Variants in MRPL47 observed in about 807,000 individuals in gnomAD.
The protein encoded by MRPL47 is large ribosomal subunit protein uL29m.
Under a neutral mutation model 34.0 loss-of-function variants are expected in MRPL47, and 31 were observed. The observed-to-expected ratio is 0.91, with a 90% CI of 0.68 to 1.23. The LOEUF (loss-of-function observed/expected upper bound fraction) is 1.23, where lower values mean the gene tolerates loss of function less well. MRPL47 is among the 50% of genes most tolerant of loss of function. MRPL47 has a pLI of 0.00. For missense variants in MRPL47, 328 were observed against 285.8 expected (o/e 1.15, Z -1.07); for synonymous variants, 106 against 101.6 (o/e 1.04, Z -0.26).
At chr3:179,595,387 C>A (rs1378356069) in intron 4 of MRPL47, among the ~76,000 whole-genome samples, 1 of 152,144 alleles carries the variant, frequency 6.6e-6, no homozygotes, top group Non-Finnish European at 1.5e-5. Context: ...TTCTGCTATC[C>A]TCAACTTCAC....
chr3:179,598,397 G>GACACAC (rs11455585), intron 4 of MRPL47, among the ~76,000 whole-genome samples: 1,519 of 102,918 alleles, frequency 0.015, 45 homozygotes, highest in African/African-American at 0.046. Context: ...CTGACACACT[G>GACACAC]ACACACACAC....
intron 3 of MRPL47, among the ~76,000 whole-genome samples, chr3:179,600,533 T>C (rs62291840): frequency 0.017 from 2,551 of 152,202 alleles, 29 homozygotes; most frequent in Middle Eastern, 0.027. Context: ...TCCCAGCTAC[T>C]TGAGAGGCTG....
chr3:179,592,787 C>T (rs775005162), intron 5 of MRPL47, 48 bp from the exon 6 acceptor site: 1 of 1,191,956 alleles, frequency 8.4e-7, no homozygotes, highest in Non-Finnish European at 1.2e-6. Flanking sequence ...ACATTTAATA[C>T]ATTTTCACTT....
chr3:179,602,839 T>C lies in MRPL47; in HGVS notation c.99-42A>G, dbSNP rs761042348. 9.3e-5 allele frequency: 138 copies of C among 1,477,446 alleles called. 1 individual carries two copies. The highest frequency in any genetic ancestry group is 5.2e-5 in the Non-Finnish European group (57 of 1,086,920). The allele number at this position is 1,477,446 out of a possible 1,614,324, so 91.5% of individuals were successfully genotyped here. On this transcript the variant is annotated intron_variant, in intron 1 of 6. Coordinates refer to ENST00000476781, the MANE Select transcript of MRPL47 (RefSeq NM_020409.3). ...ATAAACAAGTAAAAGTTTTATAATA[T>C]CTGGATTTTATAAGCAATAAACATT...
At chr3:179,591,265 G>A (rs1457240217) in intron 6 of MRPL47, among the ~76,000 whole-genome samples, 1 of 152,136 alleles carries the variant, frequency 6.6e-6, no homozygotes, top group Non-Finnish European at 1.5e-5. Flanking sequence ...TTAGCCAGGA[G>A]CCCTTCGGTT....
chr3:179,588,991 C>T lies in MRPL47; in HGVS notation c.634G>A (p.Glu212Lys), dbSNP rs1390976340. 1.2e-6 allele frequency: 2 copies of T among 1,605,926 alleles called. No homozygotes were observed. The highest frequency in any genetic ancestry group is 1.7e-6 in the Non-Finnish European group (2 of 1,177,476). ...LPYVDHFLRL[E>K]REKRARIKAR... ...TTGATGCGGGCTCGTTTCTCACGTT[C>T]CAGTCTAGAATAAAAAAAGCGTAAC... is the stretch of plus-strand genomic sequence containing the variant. Residue 212 changes from glutamate (E) to lysine (K), a missense_variant, in exon 7 of 7, where the codon GAA (glutamate) becomes AAA (lysine). Coordinates refer to ENST00000476781, the MANE Select transcript of MRPL47 (RefSeq NM_020409.3).
chr3:179,590,095 C>T (rs1269529923), intron 6 of MRPL47, among the ~76,000 whole-genome samples: 1 of 152,102 alleles, frequency 6.6e-6, no homozygotes, highest in African/African-American at 2.4e-5. Context: ...GTAATCCCAA[C>T]TTAGGGAGGC....
chr3:179,594,371 A>G (rs975835271), intron 4 of MRPL47, among the ~76,000 whole-genome samples: 6 of 152,232 alleles, frequency 3.9e-5, no homozygotes, highest in Non-Finnish European at 7.3e-5. Flanking sequence ...GTCCATCCAG[A>G]TATGAATCTC....
At chr3:179,594,476 G>A (rs1718749970) in intron 4 of MRPL47, among the ~76,000 whole-genome samples, 1 of 152,108 alleles carries the variant, frequency 6.6e-6, no homozygotes, top group Admixed American at 6.6e-5. Context: ...TATATTGGCA[G>A]GGTTTTATAC....
chr3:179,603,220 G>A (rs190616560), intron 1 of MRPL47, among the ~76,000 whole-genome samples: 87 of 152,196 alleles, frequency 5.7e-4, no homozygotes, highest in African/African-American at 2.0e-3. Flanking sequence ...GGGTGCAAGC[G>A]CAGGTAAAAA....
chr3:179,592,396 A>T (rs1229372878), intron 6 of MRPL47, among the ~76,000 whole-genome samples: 1 of 150,792 alleles, frequency 6.6e-6, no homozygotes, highest in Non-Finnish European at 1.5e-5. Flanking sequence ...GGGTTTCACC[A>T]TGTTAGCCGG....
At chr3:179,590,696 T>TAAA (rs1157157426) in intron 6 of MRPL47, among the ~76,000 whole-genome samples, 1 of 129,084 alleles carries the variant, frequency 7.7e-6, no homozygotes, top group African/African-American at 2.9e-5. Flanking sequence ...CTGATGTGAT[T>TAAA]AAAAAAAAAA....
intron 2 of MRPL47, 102 bp downstream of exon 2, chr3:179,602,550 A>G: frequency 3.1e-6 from 2 of 643,030 alleles, no homozygotes; most frequent in Admixed American, 3.5e-5. Flanking sequence ...AAACATCTAA[A>G]TAATTCCTAA....
chr3:179,592,786 A>G, intron 5 of MRPL47, 47 bp from the exon 6 acceptor site: 5 of 1,203,966 alleles, frequency 4.2e-6, no homozygotes, highest in Non-Finnish European at 6.1e-6. Flanking sequence ...AACATTTAAT[A>G]CATTTTCACT....
chr3:179,596,868 C>T (rs963147556), intron 4 of MRPL47, among the ~76,000 whole-genome samples: 1 of 152,156 alleles, frequency 6.6e-6, no homozygotes, highest in Admixed American at 6.5e-5. Flanking sequence ...ATAAAGGACA[C>T]TTGGGATAAC....
chr3:179,589,079 A>C (rs2108376367), intron 6 of MRPL47, 84 bp from the exon 7 acceptor site: 2 of 1,341,428 alleles, frequency 1.5e-6, no homozygotes, highest in Admixed American at 4.4e-5. Flanking sequence ...TAAATCAATT[A>C]CATCAAAGCT....
chr3:179,589,253 G>A (rs968528116), intron 6 of MRPL47, among the ~76,000 whole-genome samples: 11 of 152,088 alleles, frequency 7.2e-5, no homozygotes, highest in Middle Eastern at 3.2e-3. Flanking sequence ...GTAACAAATT[G>A]GGCCTTAAGT....
At chr3:179,594,514 G>T (rs1194271736) in intron 4 of MRPL47, among the ~76,000 whole-genome samples, 1 of 152,118 alleles carries the variant, frequency 6.6e-6, no homozygotes, top group Admixed American at 6.6e-5. Flanking sequence ...ACAGAGTCTT[G>T]CTCTGTCACT....
rs1718935423 is a variant in MRPL47 at position 179,601,897 on chromosome 3, T to C, written c.245-107A>G. The C allele has an allele frequency of 1.1e-5, 8 of 702,280 alleles. No individual in the cohort carries two copies. In the South Asian group the frequency reaches 1.3e-4, roughly 11 times the overall value. The allele number at this position is 702,280 out of a possible 1,614,324, so 43.5% of individuals were successfully genotyped here. ...TAAACCTGTTTCTTTATCTGTAAAATATATAACAGCTTTTTTATAGTATAT... is the reference window on the plus strand; with the variant it reads ...TAAACCTGTTTCTTTATCTGTAAAACATATAACAGCTTTTTTATAGTATAT... On this transcript the variant is annotated intron_variant, in intron 2 of 6. Coordinates refer to ENST00000476781, the MANE Select transcript of MRPL47 (RefSeq NM_020409.3).
Sources: allele counts gnomAD v4.1 joint callset (sites outside exome capture counted in the v4.1 genomes callset), GRCh38; gene constraint gnomAD v4.1.1; transcripts MANE v1.5; gene names NCBI Gene and HGNC (gene_info 2026-07-23, HGNC 2026-07-21).